SENP1: variants seen among roughly 807,000 people sequenced by gnomAD.
The protein encoded by SENP1 is SUMO specific peptidase 1.
SENP1 carries 21 observed loss-of-function variants against 93.0 expected under a neutral mutation model. The ratio of observed to expected loss-of-function variants is 0.23; its 90% CI spans 0.16 to 0.33. The LOEUF (loss-of-function observed/expected upper bound fraction) is 0.33. Ranked by LOEUF, SENP1 falls within the 10% of genes least tolerant of loss-of-function variation. The probability of loss-of-function intolerance (pLI) is 1.00; values close to 1 mark genes in which losing one functional copy is unlikely to be tolerated. For missense variants in SENP1, 591 were observed against 758.7 expected (o/e 0.78, Z 2.60); for synonymous variants, 256 against 259.6 (o/e 0.99, Z 0.13).
At chr12:48,059,199 ACCTATG>A (rs1426032334) in intron 13 of SENP1, among the ~76,000 whole-genome samples, 2 of 151,984 alleles carry the variant, frequency 1.3e-5, no homozygotes, top group African/African-American at 2.4e-5. Flanking sequence ...TTCTAACACC[ACCTATG>A]CCCCCACCTT....
intron 6 of SENP1, among the ~76,000 whole-genome samples, chr12:48,076,187 C>A (rs1039540903): frequency 2.0e-5 from 3 of 152,234 alleles, no homozygotes; most frequent in Non-Finnish European, 4.4e-5. Flanking sequence ...AATACAACCA[C>A]CAATCCTCAA....
intron 4 of SENP1, among the ~76,000 whole-genome samples, chr12:48,093,280 GT>G (rs374804144): frequency 0.076 from 9,606 of 126,366 alleles, 220 homozygotes; most frequent in Non-Finnish European, 0.09. Context: ...TTCAGGTGAG[GT>G]TTTTTTTTTT....
At chr12:48,049,258 C>G in intron 13 of SENP1, 126 bp from the exon 14 acceptor site, 1 of 696,930 alleles carries the variant, frequency 1.4e-6, no homozygotes, top group Non-Finnish European at 2.4e-6. Context: ...CTTCAACATC[C>G]AACAGATTCA....
intron 9 of SENP1, among the ~76,000 whole-genome samples, chr12:48,068,913 G>A (rs995078761): frequency 6.6e-6 from 1 of 152,054 alleles, no homozygotes; most frequent in Non-Finnish European, 1.5e-5. Context: ...AGCACTTTGG[G>A]AGGCTGAGGT....
At chr12:48,095,723 G>C (rs1305881198) in intron 4 of SENP1, among the ~76,000 whole-genome samples, 1 of 151,992 alleles carries the variant, frequency 6.6e-6, no homozygotes, top group Non-Finnish European at 1.5e-5. Context: ...TCAAGGCAGG[G>C]GCAGAAGACC....
At chr12:48,078,317 T>TTATATATATATATATATATA (rs370021236) in intron 6 of SENP1, among the ~76,000 whole-genome samples, 4,333 of 70,420 alleles carry the variant, frequency 0.062, 515 homozygotes, top group Non-Finnish European at 0.08. Context: ...CTGTAGGATT[T>TTATATATATATATATATATA]TATATATATA....
intron 13 of SENP1, among the ~76,000 whole-genome samples, chr12:48,062,223 C>G (rs1181837441): frequency 6.6e-6 from 1 of 152,180 alleles, no homozygotes; most frequent in Non-Finnish European, 1.5e-5. Context: ...TTTAGAGTAA[C>G]TGACCTCGCA....
chr12:48,052,218 C>T (rs1941871082), intron 13 of SENP1, among the ~76,000 whole-genome samples: 3 of 152,174 alleles, frequency 2.0e-5, no homozygotes, highest in South Asian at 2.1e-4. Flanking sequence ...ATGACATAAA[C>T]GACCAATGCT....
chr12:48,052,314 A>C (rs1036996876), intron 13 of SENP1, among the ~76,000 whole-genome samples: 17 of 152,328 alleles, frequency 1.1e-4, no homozygotes, highest in African/African-American at 4.1e-4. Context: ...CTACCAGTAA[A>C]GTCTTGATTT....
At chr12:48,084,209 T>G (rs1276556357) in intron 5 of SENP1, among the ~76,000 whole-genome samples, 1 of 152,168 alleles carries the variant, frequency 6.6e-6, no homozygotes, top group African/African-American at 2.4e-5. Context: ...GGCTGAAGCC[T>G]CTCAACTAAG....
At position 48,098,018 on chromosome 12, in the gene SENP1, G is replaced by A. The variant is rs1467316182; in HGVS notation, c.111C>T (p.Asp37=). ...CCTGCTGGTCAGAAAGCGAAAGCTG[G>A]TCCTCTGGAAAACCTGTTTGTGGCA... The part of the protein sequence containing the change: ...HLLPQTGFPE[D]QLSLSDQQIL... Residue 37 remains aspartate (D), a synonymous_variant, in exon 3 of 18, where the codon GAC becomes GAT. Coordinates refer to ENST00000549518, the MANE Select transcript of SENP1 (RefSeq NM_001267594.2). 4 of 1,613,774 alleles carry A rather than the reference G, an allele frequency of 2.5e-6. No individual in the cohort carries two copies. Among genetic ancestry groups the A allele is most frequent in the Non-Finnish European group, 3.4e-6 (4 of 1,179,758 alleles).
intron 13 of SENP1, among the ~76,000 whole-genome samples, chr12:48,058,000 G>C (rs905860095): frequency 7.5e-6 from 1 of 133,380 alleles, no homozygotes; most frequent in Non-Finnish European, 1.5e-5. Context: ...AGGCTGGAGT[G>C]CAGTGGCGTG....
intron 3 of SENP1, 34 bp from the exon 4 acceptor site, chr12:48,096,461 T>A (rs2137279959): frequency 9.1e-6 from 3 of 329,308 alleles, no homozygotes; most frequent in Admixed American, 1.2e-4. Flanking sequence ...TTAAGTCACA[T>A]TTTTTTTTTT....
intron 8 of SENP1, among the ~76,000 whole-genome samples, chr12:48,073,136 G>A (rs1234713938): frequency 2.0e-5 from 3 of 152,166 alleles, no homozygotes; most frequent in Admixed American, 6.5e-5. Flanking sequence ...CTAAAGTGCT[G>A]TCATTAGAAC....
At chr12:48,063,611 T>TC in intron 13 of SENP1, 99 bp downstream of exon 13, 1 of 1,188,566 alleles carries the variant, frequency 8.4e-7, no homozygotes, top group Non-Finnish European at 1.2e-6. Flanking sequence ...CCAATGCAGG[T>TC]CATCCATGGA....
At chr12:48,088,738 CT>C in intron 5 of SENP1, 62 bp downstream of exon 5, 1 of 1,463,876 alleles carries the variant, frequency 6.8e-7, no homozygotes, top group Non-Finnish European at 9.4e-7. Flanking sequence ...AACTATCTAC[CT>C]TTTAGTCACT....
chr12:48,058,815 C>A (rs148840026), intron 13 of SENP1, among the ~76,000 whole-genome samples: 33 of 152,208 alleles, frequency 2.2e-4, no homozygotes, highest in African/African-American at 7.9e-4. Flanking sequence ...CGTAATATTT[C>A]TTCTGGTACA....
intron 6 of SENP1, among the ~76,000 whole-genome samples, chr12:48,076,926 T>C (rs1944131750): frequency 1.3e-5 from 2 of 152,210 alleles, no homozygotes; most frequent in Non-Finnish European, 2.9e-5. Flanking sequence ...ATTAAAGGCG[T>C]GAGCCACGGC....
At chr12:48,085,698 C>A in intron 5 of SENP1, among the ~76,000 whole-genome samples, 1 of 122,756 alleles carries the variant, frequency 8.1e-6, no homozygotes. Context: ...AAATTACAGT[C>A]ATATTCTTGC....
Sources: gnomAD v4.1 joint callset for allele counts (sites outside exome capture counted in the v4.1 genomes callset) on GRCh38, gnomAD v4.1.1 for gene constraint, MANE v1.5 for transcripts, NCBI Gene and HGNC (gene_info 2026-07-23, HGNC 2026-07-21) for gene names.